The following LRRCC1 variants were observed in gnomAD, a reference collection of about 807,000 sequenced individuals.
The protein encoded by LRRCC1 is leucine rich repeat and coiled-coil centrosomal protein 1.
LRRCC1 carries 115 observed loss-of-function variants against 126.0 expected under a neutral mutation model. The ratio of observed to expected loss-of-function variants is 0.91; its 90% CI spans 0.78 to 1.07. LRRCC1 has a LOEUF of 1.07. Ranked by LOEUF, LRRCC1 falls within the 50% of genes least tolerant of loss-of-function variation. The pLI is 0.00. For missense variants in LRRCC1, 1,172 were observed against 1,175.7 expected, an observed-to-expected ratio of 1.00 and a Z score of 0.05; for synonymous variants, 400 against 393.4, an observed-to-expected ratio of 1.02 and a Z score of -0.20.
chr8:85,131,612 C>CT (rs1810472415), intron 11 of LRRCC1, 148 bp from the exon 12 acceptor site: 3 of 606,878 alleles, frequency 4.9e-6, no homozygotes. Context: ...TTGTACCTAT[C>CT]TATGCCCAAT....
At chr8:85,130,393 C>T (rs747165695) in intron 11 of LRRCC1, among the ~76,000 whole-genome samples, 3 of 151,750 alleles carry the variant, frequency 2.0e-5, no homozygotes, top group Admixed American at 1.3e-4. Flanking sequence ...CTGCCCCACT[C>T]GGCCTCCCAA....
Position 85,135,005 on chromosome 8 carries a change from G to C in LRRCC1, c.2127G>C (p.Leu709Phe). 1 of 1,540,700 alleles carries C rather than the reference G, an allele frequency of 6.5e-7. No homozygotes were observed. The highest frequency in any genetic ancestry group is 8.7e-7 in the Non-Finnish European group (1 of 1,154,232). ...CAAAACTGGCAGAAGTTTCTAAATT[G>C]AAACAAGAAACAGCAGCAAATTTAC... ...QKTKLAEVSK[L>F]KQETAANLQN... Residue 709 changes from leucine (L) to phenylalanine (F), a missense_variant, in exon 13 of 19, where the codon TTG becomes TTC. Physicochemically the swap from Leu to Phe is conservative, Grantham distance 22 (BLOSUM62 0). Coordinates refer to ENST00000360375, the MANE Select transcript of LRRCC1 (RefSeq NM_033402.5).
Position 85,123,567 on chromosome 8 carries a change from C to T in LRRCC1, c.1085C>T (p.Thr362Ile). The T allele has an allele frequency of 6.3e-7, 1 of 1,591,390 alleles. No homozygotes were observed. The highest frequency in any genetic ancestry group is 8.5e-7 in the Non-Finnish European group (1 of 1,174,352). ...KIPYDAKTIQ[T>I]IKHHNKNYNS... is the part of the protein sequence containing the mutation. ...CCTTATGATGCCAAAACCATTCAAA[C>T]TATTAAGCACCACAATAAAAACTAC... is the stretch of plus-strand genomic sequence containing the variant. Residue 362 changes from threonine to isoleucine, a missense_variant, in exon 7 of 19, where the codon ACT becomes ATT. Coordinates refer to ENST00000360375, the MANE Select transcript of LRRCC1 (RefSeq NM_033402.5).
intron 6 of LRRCC1, among the ~76,000 whole-genome samples, chr8:85,118,098 G>A (rs1809259570): frequency 6.6e-6 from 1 of 151,924 alleles, no homozygotes; most frequent in Non-Finnish European, 1.5e-5. Flanking sequence ...TTTAATATTT[G>A]TTTTAGAACC....
intron 18 of LRRCC1, among the ~76,000 whole-genome samples, chr8:85,143,008 G>A (rs927932842): frequency 6.6e-6 from 1 of 152,026 alleles, no homozygotes; most frequent in African/African-American, 2.4e-5. Flanking sequence ...GTGAACAGAT[G>A]TTCCAAATAT....
chr8:85,117,325 T>A (rs1414285715), intron 6 of LRRCC1, among the ~76,000 whole-genome samples: 1 of 152,198 alleles, frequency 6.6e-6, no homozygotes, highest in Non-Finnish European at 1.5e-5. Flanking sequence ...GTGCTAGTTC[T>A]TTCTACTTTG....
At chr8:85,122,767 G>A (rs1809664726) in intron 6 of LRRCC1, among the ~76,000 whole-genome samples, 1 of 152,194 alleles carries the variant, frequency 6.6e-6, no homozygotes, top group Admixed American at 6.5e-5. Context: ...CCTACGGCAA[G>A]CAATTTTGAA....
rs1311217581 is a variant in LRRCC1, at chr8:85,145,510, G to A, written c.3098G>A (p.Ter1033=). 10 of 1,578,416 alleles carry A rather than the reference G, an allele frequency of 6.3e-6. No individual in the cohort carries two copies. The highest frequency in any genetic ancestry group is 8.6e-6 in the Non-Finnish European group (10 of 1,168,998). ...FALNEIQQDM[*] The stretch of plus-strand genomic sequence containing the variant: ...TTAAATGAAATTCAGCAAGATATGT[G>A]ATGGTTCTGAGAATGAATTTAATTG... The change falls in exon 19 of 19, where the codon TGA becomes TAA. Residue 1033 remains the stop codon, a stop_retained_variant. Transcript: ENST00000360375.
At chr8:85,109,295 T>A (rs769340958) in intron 1 of LRRCC1, 1 of 313,694 alleles carries the variant, frequency 3.2e-6, no homozygotes, top group African/African-American at 2.1e-5. Flanking sequence ...TTTACAGTTA[T>A]TGACTACTAT....
Position 85,145,633 on chromosome 8 carries a change from A to T in LRRCC1, c.*122A>T, listed in dbSNP as rs117965900. ...TCTCTTTCTATACATTTCATTATGAATATATTTTTAAAGACTTTTGATCAA... is the reference window on the plus strand; with the variant it reads ...TCTCTTTCTATACATTTCATTATGATTATATTTTTAAAGACTTTTGATCAA... On this transcript the variant is annotated 3_prime_UTR_variant, in exon 19 of 19. Coordinates refer to ENST00000360375, the MANE Select transcript of LRRCC1 (RefSeq NM_033402.5). 3.4e-5 allele frequency: 25 copies of T among 737,788 alleles called. No homozygotes were observed. Among genetic ancestry groups the T allele is most frequent in the Non-Finnish European group, 4.8e-5 (24 of 496,394 alleles). The allele number at this position is 737,788 out of a possible 1,614,324, so 45.7% of individuals were successfully genotyped here.
rs751064485 is a variant in LRRCC1 at position 85,123,582 on chromosome 8, A to AT, written c.1101dup (p.Lys368Ter). On this transcript the variant is annotated frameshift_variant, in exon 7 of 19. Transcript: ENST00000360375. LOFTEE classifies it high-confidence loss of function. ...ACCATTCAAACTATTAAGCACCACAATAAAAACTACAACTCTTTTGTAAGG... is the reference window on the plus strand; with the variant it reads ...ACCATTCAAACTATTAAGCACCACAATTAAAAACTACAACTCTTTTGTAAGG... 1 of 1,580,996 alleles carries AT rather than the reference A, an allele frequency of 6.3e-7. No individual in the cohort carries two copies. Among genetic ancestry groups the AT allele is most frequent in the Non-Finnish European group, 8.5e-7 (1 of 1,170,834 alleles).
At chr8:85,144,179 T>C (rs897352918) in intron 18 of LRRCC1, among the ~76,000 whole-genome samples, 1 of 152,020 alleles carries the variant, frequency 6.6e-6, no homozygotes, top group Non-Finnish European at 1.5e-5. Flanking sequence ...AGAAAAGCTG[T>C]AGGCACTACA....
intron 11 of LRRCC1, 73 bp downstream of exon 11, chr8:85,130,131 C>T (rs1273431581): frequency 8.7e-7 from 1 of 1,147,572 alleles, no homozygotes; most frequent in Non-Finnish European, 1.2e-6. Context: ...TCCCCACTAC[C>T]AGTATTTTTT....
At chr8:85,114,472 A>G (rs944043773) in intron 4 of LRRCC1, among the ~76,000 whole-genome samples, 1 of 152,084 alleles carries the variant, frequency 6.6e-6, no homozygotes, top group African/African-American at 2.4e-5. Context: ...TTAGAAATAT[A>G]CTTAGTTTTA....
chr8:85,116,871 G>A (rs1394015946), intron 6 of LRRCC1, among the ~76,000 whole-genome samples: 1 of 152,156 alleles, frequency 6.6e-6, no homozygotes, highest in Admixed American at 6.5e-5. Flanking sequence ...TGAGGATTCT[G>A]TGTTTCAGAA....
chr8:85,129,385 T>A lies in LRRCC1; in HGVS notation c.1626+6T>A. 1.3e-6 allele frequency: 2 copies of A among 1,597,670 alleles called. No homozygotes were observed. Among genetic ancestry groups the A allele is most frequent in the South Asian group, 2.3e-5 (2 of 87,294 alleles). Reference sequence around the variant, plus strand: ...GGCAGCAGCAGGCAGCACAGGTATTTCTCTATTTTAATATATGAGTAGCAC... The same window carrying A: ...GGCAGCAGCAGGCAGCACAGGTATTACTCTATTTTAATATATGAGTAGCAC... On this transcript the variant is annotated splice_donor_region_variant and intron_variant, in intron 10 of 18. Transcript: ENST00000360375.
chr8:85,143,074 C>T (rs969144430), intron 18 of LRRCC1, among the ~76,000 whole-genome samples: 4 of 152,032 alleles, frequency 2.6e-5, no homozygotes, highest in South Asian at 4.1e-4. Context: ...CCTGTAAGCC[C>T]AGCACTTTGG....
intron 6 of LRRCC1, among the ~76,000 whole-genome samples, chr8:85,122,805 G>T (rs991498968): frequency 2.0e-5 from 3 of 152,152 alleles, no homozygotes; most frequent in Non-Finnish European, 2.9e-5. Flanking sequence ...TGAATGTTTC[G>T]TTGTAGATAC....
intron 17 of LRRCC1, among the ~76,000 whole-genome samples, chr8:85,139,338 C>G (rs1468432605): frequency 2.6e-5 from 4 of 152,200 alleles, no homozygotes; most frequent in Non-Finnish European, 5.9e-5. Flanking sequence ...GATCTGGGCT[C>G]ACTGCAACTT....
Sources: gnomAD v4.1 joint callset for allele counts (sites outside exome capture counted in the v4.1 genomes callset) on GRCh38, gnomAD v4.1.1 for gene constraint, MANE v1.5 for transcripts, NCBI Gene and HGNC (gene_info 2026-07-23, HGNC 2026-07-21) for gene names.